The following SAXO1 variants were observed in gnomAD, a reference collection of about 807,000 sequenced individuals.
SAXO1 encodes stabilizer of axonemal microtubules 1.
A neutral mutation model predicts 17.5 loss-of-function variants in SAXO1; 21 were observed. The observed-to-expected ratio is 1.20, with a 90% CI of 0.85 to 1.72. The LOEUF (loss-of-function observed/expected upper bound fraction) is 1.72. Ranked by LOEUF, SAXO1 falls within the 40% of genes most tolerant of loss-of-function variation. The probability of loss-of-function intolerance (pLI) is 0.00; values close to 1 mark genes in which losing one functional copy is unlikely to be tolerated. For missense variants in SAXO1, 843 were observed against 596.0 expected, an observed-to-expected ratio of 1.41 and a Z score of -4.32; for synonymous variants, 274 against 216.5, an observed-to-expected ratio of 1.27 and a Z score of -2.33.
At chr9:19,027,337 C>G in intron 1 of SAXO1, 1 of 791,750 alleles carries the variant, frequency 1.3e-6, no homozygotes, top group South Asian at 1.3e-5. Flanking sequence ...GAGACACTGC[C>G]CAGAGTACGA....
At chr9:18,992,519 G>A (rs749939217) in intron 1 of SAXO1, among the ~76,000 whole-genome samples, 2 of 152,170 alleles carry the variant, frequency 1.3e-5, no homozygotes, top group Non-Finnish European at 2.9e-5. Context: ...CATATTTGGA[G>A]GCTGGAGCAT....
At chr9:19,004,514 C>T (rs1834411225) in intron 1 of SAXO1, among the ~76,000 whole-genome samples, 1 of 152,204 alleles carries the variant, frequency 6.6e-6, no homozygotes, top group Non-Finnish European at 1.5e-5. Context: ...GACACATATA[C>T]ACCATGGAAT....
chr9:18,968,416 G>T (rs2131784297), intron 1 of SAXO1, among the ~76,000 whole-genome samples: 1 of 152,290 alleles, frequency 6.6e-6, no homozygotes, highest in East Asian at 1.9e-4. Flanking sequence ...GTTAATGATA[G>T]AATCTAAGTG....
At chr9:18,983,160 G>A (rs539567451) in intron 1 of SAXO1, among the ~76,000 whole-genome samples, 1 of 152,316 alleles carries the variant, frequency 6.6e-6, no homozygotes, top group African/African-American at 2.4e-5. Flanking sequence ...ACCTGAGACT[G>A]AGTAATTTAT....
chr9:18,963,010 T>C (rs996668415), intron 1 of SAXO1, among the ~76,000 whole-genome samples: 2 of 152,248 alleles, frequency 1.3e-5, no homozygotes, highest in Non-Finnish European at 2.9e-5. Context: ...TTCAGTTTTC[T>C]GCATATGGCT....
intron 1 of SAXO1, among the ~76,000 whole-genome samples, chr9:19,046,493 C>T (rs896204561): frequency 5.3e-5 from 8 of 151,068 alleles, no homozygotes; most frequent in South Asian, 2.1e-4. Flanking sequence ...GTCGGCAGTT[C>T]GAGACCAGCC....
intron 1 of SAXO1, among the ~76,000 whole-genome samples, chr9:18,995,243 G>A (rs1833955562): frequency 6.6e-6 from 1 of 152,080 alleles, no homozygotes; most frequent in Non-Finnish European, 1.5e-5. Flanking sequence ...AAGTACACAG[G>A]ATTATTCCAT....
intron 1 of SAXO1, among the ~76,000 whole-genome samples, chr9:19,005,600 T>C (rs1442956636): frequency 6.6e-6 from 1 of 152,168 alleles, no homozygotes; most frequent in Non-Finnish European, 1.5e-5. Flanking sequence ...AGTGGGACCC[T>C]TACCTAACAC....
At chr9:18,936,817 C>A (rs1320453639) in intron 3 of SAXO1, among the ~76,000 whole-genome samples, 2 of 152,200 alleles carry the variant, frequency 1.3e-5, no homozygotes, top group African/African-American at 4.8e-5. Context: ...TTTCCAATTG[C>A]ACAGTGTTTT....
chr9:19,045,039 G>A (rs548746620), intron 1 of SAXO1, among the ~76,000 whole-genome samples: 15 of 151,980 alleles, frequency 9.9e-5, no homozygotes, highest in Non-Finnish European at 1.9e-4. Context: ...GGCCGGGCGC[G>A]GTGGCTCACG....
intron 1 of SAXO1, among the ~76,000 whole-genome samples, chr9:19,046,324 A>G (rs1836214728): frequency 6.6e-6 from 1 of 152,182 alleles, no homozygotes; most frequent in Non-Finnish European, 1.5e-5. Context: ...TTGGAAAATT[A>G]GGATGAGAAA....
intron 3 of SAXO1, among the ~76,000 whole-genome samples, chr9:18,940,876 A>T (rs1831523334): frequency 6.6e-6 from 1 of 152,202 alleles, no homozygotes; most frequent in South Asian, 2.1e-4. Flanking sequence ...TCAATAAAGA[A>T]AGAAGCAATC....
intron 1 of SAXO1, among the ~76,000 whole-genome samples, chr9:19,016,549 T>C (rs1195384337): frequency 1.3e-5 from 2 of 149,872 alleles, no homozygotes; most frequent in African/African-American, 5.1e-5. Flanking sequence ...CATGTGGCAA[T>C]GTGCAGACAC....
upstream of SAXO1, among the ~76,000 whole-genome samples, chr9:19,038,183 G>A (rs1346551604): frequency 2.0e-5 from 3 of 152,214 alleles, no homozygotes; most frequent in Admixed American, 6.5e-5. Flanking sequence ...TTCAACCATT[G>A]TGGAAGGCAG....
intron 1 of SAXO1, among the ~76,000 whole-genome samples, chr9:18,953,895 C>A (rs1051060209): frequency 6.6e-5 from 10 of 152,292 alleles, no homozygotes; most frequent in Middle Eastern, 3.4e-3. Flanking sequence ...AAGGGAAAGA[C>A]AGATTTCTCA....
At chr9:18,977,247 T>C (rs74628218) in intron 1 of SAXO1, among the ~76,000 whole-genome samples, 393 of 152,344 alleles carry the variant, frequency 2.6e-3, no homozygotes, top group African/African-American at 8.8e-3. Flanking sequence ...CTGTGGTTCA[T>C]AGTTTCTTCT....
At chr9:18,971,586 A>T (rs1832944355) in intron 1 of SAXO1, among the ~76,000 whole-genome samples, 1 of 152,194 alleles carries the variant, frequency 6.6e-6, no homozygotes, top group Non-Finnish European at 1.5e-5. Context: ...ACTCACTGTT[A>T]TAAGACACCC....
chr9:18,964,980 A>C (rs571813497), intron 1 of SAXO1, among the ~76,000 whole-genome samples: 4 of 152,164 alleles, frequency 2.6e-5, no homozygotes, highest in Non-Finnish European at 5.9e-5. Context: ...GGTTTCAAAG[A>C]ATTTATTTAT....
At position 19,027,589 on chromosome 9, in the gene SAXO1, T is replaced by C. The variant is rs369029006; in HGVS notation, c.38+5282A>G. The C allele has an allele frequency of 3.0e-5, 43 of 1,416,702 alleles. No homozygotes were observed. In the African/African-American group the frequency reaches 5.5e-4, roughly 18 times the overall value. The allele number at this position is 1,416,702 out of a possible 1,614,324, so 87.8% of individuals were successfully genotyped here. On this transcript the variant is annotated intron_variant, in intron 1 of 3. Transcript: ENST00000380534. ...CTAAGGCCACCTTCCTAAAGCTGAC[T>C]GGCCCCCAGCTGGTGCAGATGTTCA...
Sources: allele counts gnomAD v4.1 joint callset (sites outside exome capture counted in the v4.1 genomes callset), GRCh38; gene constraint gnomAD v4.1.1; transcripts MANE v1.5; gene names NCBI Gene and HGNC (gene_info 2026-07-23, HGNC 2026-07-21).